The following EIF3A variants were observed in gnomAD, a reference collection of about 807,000 sequenced individuals.
EIF3A encodes the protein eukaryotic translation initiation factor 3 subunit A.
Under a neutral mutation model 186.6 loss-of-function variants are expected in EIF3A, and 21 were observed. The ratio of observed to expected loss-of-function variants is 0.11; its 90% confidence interval spans 0.08 to 0.16. The LOEUF (loss-of-function observed/expected upper bound fraction) is 0.16. Among genes scored for constraint, EIF3A ranks in the 10% least tolerant of loss-of-function variants. The pLI is 1.00. For synonymous variants in EIF3A, 563 were observed against 584.3 expected, an observed-to-expected ratio of 0.96 and a Z score of 0.52; for missense variants, 1,306 against 1,796.3, an observed-to-expected ratio of 0.73 and a Z score of 4.93.
chr10:119,038,460 A>C, intron 19 of EIF3A, 21 bp from the exon 20 acceptor site: 1 of 1,570,308 alleles, frequency 6.4e-7, no homozygotes, highest in Non-Finnish European at 8.6e-7. Flanking sequence ...GAAAAAGCAA[A>C]ACATTTTTAA....
chr10:119,079,346 T>C (rs1389136848), intron 1 of EIF3A, among the ~76,000 whole-genome samples: 2 of 152,224 alleles, frequency 1.3e-5, no homozygotes, highest in Non-Finnish European at 2.9e-5. Flanking sequence ...AAAAAGTATA[T>C]GACCAACATA....
At chr10:119,046,137 AAC>A (rs1013682858) in intron 17 of EIF3A, among the ~76,000 whole-genome samples, 4 of 152,210 alleles carry the variant, frequency 2.6e-5, no homozygotes, top group African/African-American at 9.6e-5. Flanking sequence ...CAGGTATCTA[AAC>A]ACAGTCTTAG....
chr10:119,048,939 T>C (rs1848318335), intron 17 of EIF3A, among the ~76,000 whole-genome samples: 1 of 152,120 alleles, frequency 6.6e-6, no homozygotes, highest in Non-Finnish European at 1.5e-5. Context: ...GTGCTGGGAA[T>C]TATAGGCATG....
chr10:119,039,907 T>G (rs1273527276), intron 19 of EIF3A, among the ~76,000 whole-genome samples: 1 of 152,184 alleles, frequency 6.6e-6, no homozygotes, highest in Non-Finnish European at 1.5e-5. Context: ...ACTAGAAGCT[T>G]ACAAGAACCT....
intron 1 of EIF3A, among the ~76,000 whole-genome samples, chr10:119,076,743 C>G (rs1844180507): frequency 6.6e-6 from 1 of 151,996 alleles, no homozygotes; most frequent in Admixed American, 6.6e-5. Context: ...CCAGATCAGC[C>G]TGGGCAACAT....
At position 119,073,337 on chromosome 10, in the gene EIF3A, A is replaced by T. The variant is rs1051401634; in HGVS notation, c.377+104T>A. The T allele has an allele frequency of 1.2e-5, 11 of 931,088 alleles. No individual in the cohort carries two copies. In the East Asian group the frequency reaches 1.2e-4, roughly 10 times the overall value. The allele number at this position is 931,088 out of a possible 1,614,324, so 57.7% of individuals were successfully genotyped here. Reference sequence around the variant, plus strand: ...TGCATTTAAAACTTCAAAGATTTGCATTTTTTTCTGATAAACATCTACTTC... The same window carrying T: ...TGCATTTAAAACTTCAAAGATTTGCTTTTTTTTCTGATAAACATCTACTTC... On this transcript the variant is annotated intron_variant, in intron 3 of 21. Coordinates refer to ENST00000369144, the MANE Select transcript of EIF3A (RefSeq NM_003750.4).
chr10:119,073,975 C>CT, intron 1 of EIF3A, 38 bp from the exon 2 acceptor site: 1 of 1,514,812 alleles, frequency 6.6e-7, no homozygotes, highest in Non-Finnish European at 8.9e-7. Context: ...GTTATGTACA[C>CT]TATACAAGAG....
intron 14 of EIF3A, among the ~76,000 whole-genome samples, chr10:119,053,663 G>C (rs1408220027): frequency 6.6e-6 from 1 of 151,998 alleles, no homozygotes; most frequent in Non-Finnish European, 1.5e-5. Context: ...GATACTGTAG[G>C]GAGCTGAGAT....
At chr10:119,041,874 T>C in intron 19 of EIF3A, 120 bp downstream of exon 19, 1 of 1,110,556 alleles carries the variant, frequency 9.0e-7, no homozygotes, top group Non-Finnish European at 1.3e-6. Flanking sequence ...CAAATGATAC[T>C]GAAGGAAAGA....
intron 1 of EIF3A, among the ~76,000 whole-genome samples, chr10:119,077,968 A>G (rs1844204152): frequency 1.3e-5 from 2 of 152,206 alleles, no homozygotes; most frequent in African/African-American, 4.8e-5. Flanking sequence ...ATATTATAGA[A>G]ATAAAAATTA....
chr10:119,071,843 G>C (rs2119820060), intron 4 of EIF3A, among the ~76,000 whole-genome samples: 1 of 151,210 alleles, frequency 6.6e-6, no homozygotes, highest in East Asian at 2.0e-4. Context: ...GGCTAACACG[G>C]TGAAACCCCA....
At position 119,042,767 on chromosome 10, in the gene EIF3A, C is replaced by A. The variant is rs1848229619; in HGVS notation, c.2753G>T (p.Trp918Leu). 2 of 1,588,920 alleles carry A rather than the reference C, an allele frequency of 1.3e-6. No homozygotes were observed. The highest frequency in any genetic ancestry group is 1.8e-5 in the Admixed American group (1 of 56,418). Reference sequence around the variant, plus strand: ...CTCATCTCGCCCTTCTCCACGTCTCCACTCCCTACACAGCAACAAGAACAA... The same window carrying A: ...CTCATCTCGCCCTTCTCCACGTCTCAACTCCCTACACAGCAACAAGAACAA... The part of the protein sequence containing the change: ...EWRRGPPEKE[W>L]RRGEGRDEDR... Residue 918 changes from tryptophan (W) to leucine (L), a missense_variant, in exon 19 of 22, where the codon TGG (tryptophan) becomes TTG (leucine). Around this residue, in one of 8 missense-constraint regions of EIF3A, gnomAD observed 410 missense variants for 473.5 expected, o/e 0.87. Transcript: ENST00000369144. The surrounding 1 kb of genome is among the most constrained non-coding windows in gnomAD (Gnocchi z 7.8).
In EIF3A at chr10:119,050,025, A is replaced by T. The variant is rs762544044; in HGVS notation, c.2474-40T>A. On this transcript the variant is annotated intron_variant, in intron 16 of 21. Coordinates refer to ENST00000369144, the MANE Select transcript of EIF3A (RefSeq NM_003750.4). ...AGGTTACTAAGTGTGCCTCCCAGCC[A>T]TATCTTCCCCCTAGTGCTAGTTCCA... The T allele has an allele frequency of 1.9e-6, 3 of 1,593,802 alleles. No homozygotes were observed. In the Admixed American group the frequency reaches 5.1e-5, roughly 27 times the overall value.
chr10:119,069,725 G>C, intron 5 of EIF3A, 71 bp from the exon 6 acceptor site: 1 of 790,920 alleles, frequency 1.3e-6, no homozygotes. Context: ...AAATTTCTAT[G>C]AAACCTACAA....
chr10:119,054,222 T>C (rs1298669117), intron 14 of EIF3A, among the ~76,000 whole-genome samples: 10 of 152,094 alleles, frequency 6.6e-5, no homozygotes, highest in Non-Finnish European at 1.2e-4. Context: ...GGCCTGGCCT[T>C]CTGCGGCTTT....
intron 17 of EIF3A, among the ~76,000 whole-genome samples, chr10:119,045,561 G>A (rs1286223826): frequency 1.3e-5 from 2 of 152,174 alleles, no homozygotes; most frequent in African/African-American, 4.8e-5. Context: ...AAGAATGCAA[G>A]GTTTTAGAGG....
chr10:119,058,346 T>C, intron 11 of EIF3A, 43 bp from the exon 12 acceptor site: 1 of 1,354,694 alleles, frequency 7.4e-7, no homozygotes, highest in Non-Finnish European at 1.0e-6. Context: ...AAAATTAACA[T>C]TCTCTGGTAT....
At chr10:119,036,990 T>C (rs1848137539) in intron 21 of EIF3A, 129 bp downstream of exon 21, 1 of 713,302 alleles carries the variant, frequency 1.4e-6, no homozygotes, top group South Asian at 1.9e-5. Flanking sequence ...AATCATGAAT[T>C]CTAAATAGAA....
intron 5 of EIF3A, 93 bp downstream of exon 5, chr10:119,070,793 C>T: frequency 2.4e-6 from 2 of 846,606 alleles, no homozygotes; most frequent in Non-Finnish European, 3.9e-6. Context: ...TGAAATTAAC[C>T]AATGCATACC....
Sources: gnomAD v4.1 joint callset for allele counts (sites outside exome capture counted in the v4.1 genomes callset) on GRCh38, gnomAD v4.1.1 for gene constraint, gnomAD v4.1.1 regional missense constraint, Gnocchi (gnomAD v3.1) non-coding constraint, MANE v1.5 for transcripts, NCBI Gene and HGNC (gene_info 2026-07-23, HGNC 2026-07-21) for gene names.